Variants in BRF1 observed in about 807,000 individuals in gnomAD.
BRF1 encodes transcription factor IIIB 90 kDa subunit.
A neutral mutation model predicts 81.7 loss-of-function variants in BRF1; 59 were observed. The ratio of observed to expected loss-of-function variants is 0.72; its 90% confidence interval spans 0.59 to 0.90. BRF1 has a LOEUF of 0.90. Ranked by LOEUF, BRF1 falls within the 40% of genes least tolerant of loss-of-function variation. The probability of loss-of-function intolerance (pLI) is 0.00; values close to 1 mark genes in which losing one functional copy is unlikely to be tolerated. For missense variants in BRF1, 1,050 were observed against 936.3 expected (o/e 1.12, Z -1.58); for synonymous variants, 491 against 395.6 (o/e 1.24, Z -2.86).
chr14:105,252,344 T>C (rs2055662715), intron 5 of BRF1, 163 bp downstream of exon 5: 1 of 980,364 alleles, frequency 1.0e-6, no homozygotes, highest in African/African-American at 1.8e-5. Context: ...TCTTAGAAAA[T>C]AAGGCCCCAC....
At chr14:105,287,161 T>C (rs587673305) in intron 1 of BRF1, among the ~76,000 whole-genome samples, 3 of 152,288 alleles carry the variant, frequency 2.0e-5, no homozygotes, top group Admixed American at 6.5e-5. Context: ...GCCTACGACG[T>C]CCACCACATT....
chr14:105,286,357 A>G lies in BRF1; in HGVS notation c.204T>C (p.Thr68=). The G allele has an allele frequency of 6.2e-7, 1 of 1,613,486 alleles. No individual in the cohort carries two copies. Among genetic ancestry groups the G allele is most frequent in the Non-Finnish European group, 8.5e-7 (1 of 1,179,792 alleles). Residue 68 remains threonine, a synonymous_variant, in exon 2 of 18, where the codon ACT becomes ACC. Transcript: ENST00000547530. ...VSLDGAGKTP[T]LGGGFHVNLG... ...GATTCACGTGGAAGCCGCCACCCAG[A>G]GTCGGGGTTTTGCCAGCACCTGGAA... is the stretch of plus-strand genomic sequence containing the variant.
At chr14:105,217,307 G>A in intron 15 of BRF1, 1 of 629,934 alleles carries the variant, frequency 1.6e-6, no homozygotes, top group Non-Finnish European at 2.7e-6. Flanking sequence ...CTAGGCTGCA[G>A]GACCCCCCTG....
upstream of BRF1, chr14:105,301,217 A>C (rs1329139737): frequency 7.3e-5 from 11 of 150,984 alleles, no homozygotes; most frequent in Admixed American, 7.3e-4. Flanking sequence ...CGGGGACTAA[A>C]GCTGGACGCG....
At chr14:105,218,879 G>A in intron 14 of BRF1, 119 bp downstream of exon 14, 1 of 1,438,458 alleles carries the variant, frequency 7.0e-7, no homozygotes, top group Non-Finnish European at 9.6e-7. Flanking sequence ...ATGGCCTCCG[G>A]CTGCCTGCCC....
chr14:105,249,237 CCGCCCACAAG>C, intron 5 of BRF1: 1 of 1,581,852 alleles, frequency 6.3e-7, no homozygotes, highest in Non-Finnish European at 8.5e-7. Context: ...AGGACGGTGC[CCGCCCACAAG>C]GTGGGTAGCG....
Position 105,249,303 on chromosome 14 carries a change from T to C in BRF1, c.544+3204A>G. 5 of 1,584,804 alleles carry C rather than the reference T, an allele frequency of 3.2e-6. No individual in the cohort carries two copies. The South Asian group carries it at 5.6e-5, about 18-fold the overall frequency. ...TGCCCCGTCCGCCCCGTCCGCCGTGTGGCTGACACGCAGCCTGCGGGAGAG... is the reference window on the plus strand; with the variant it reads ...TGCCCCGTCCGCCCCGTCCGCCGTGCGGCTGACACGCAGCCTGCGGGAGAG... On this transcript the variant is annotated intron_variant, in intron 5 of 17. Coordinates refer to ENST00000547530, the MANE Select transcript of BRF1 (RefSeq NM_001519.4).
chr14:105,309,776 CTTTTTTTTT>C lies in BRF1; in HGVS notation c.-162+5537_-162+5545del, dbSNP rs928875653. ...TTAAGGAGAAGGTGGTGATGTGTGT[CTTTTTTTTT>C]TTTTTTTTTTTTTTTTTTTAGACGG... On this transcript the variant is annotated intron_variant, in intron 1 of 17. Transcript: ENST00000327359. The surrounding 1 kb of genome is among the most constrained non-coding windows in gnomAD (Gnocchi z 4.0). 7.8e-5 allele frequency among the ~76,000 whole-genome samples: 7 copies of C among 89,234 alleles called. No individual in the cohort carries two copies. Among genetic ancestry groups the C allele is most frequent in the South Asian group, 3.9e-4 (1 of 2,574 alleles). 58.5% of individuals were successfully genotyped at this position (89,234 alleles called of 152,430 possible). A position where few individuals can be genotyped will look rare whatever the true frequency, so the allele number is the denominator to read the frequency against.
At chr14:105,286,568 A>G (rs1416535414) in intron 1 of BRF1, among the ~76,000 whole-genome samples, 192 bp from the exon 2 acceptor site, 1 of 151,820 alleles carries the variant, frequency 6.6e-6, no homozygotes, top group Admixed American at 6.6e-5. Context: ...CACTCTGCCC[A>G]GCCAGCAGGG....
chr14:105,212,582 A>C (rs1595231825), intron 15 of BRF1: 1 of 180,976 alleles, frequency 5.5e-6, no homozygotes, highest in Admixed American at 5.7e-5. Context: ...TGCTGACAAC[A>C]CCCTGCACAG....
At position 105,210,853 on chromosome 14, in the gene BRF1, G is replaced by C. The variant is rs587638819; in HGVS notation, c.1997-265C>G. Among the ~76,000 whole-genome samples, 2 of 152,144 alleles carry C rather than the reference G, an allele frequency of 1.3e-5. No individual in the cohort carries two copies. The highest frequency in any genetic ancestry group is 4.8e-5 in the African/African-American group (2 of 41,420). ...CCTCCCTCCCTGGGTGTGCAGGTCC[G>C]TGGTGGTGTGCAGATCCGGGAACCT... On this transcript the variant is annotated intron_variant, in intron 17 of 17. Coordinates refer to ENST00000547530, the MANE Select transcript of BRF1 (RefSeq NM_001519.4). The surrounding 1 kb of genome is among the most constrained non-coding windows in gnomAD (Gnocchi z 4.7).
intron 2 of BRF1, among the ~76,000 whole-genome samples, chr14:105,282,836 G>A (rs985335852): frequency 3.3e-5 from 5 of 152,146 alleles, no homozygotes; most frequent in African/African-American, 7.2e-5. Context: ...GGGAGGCTGA[G>A]GCAGGAGAGT....
intron 3 of BRF1, among the ~76,000 whole-genome samples, chr14:105,259,610 C>A (rs138129716): frequency 4.7e-4 from 72 of 152,264 alleles, no homozygotes; most frequent in African/African-American, 1.5e-3. Context: ...ACACCATGGG[C>A]GCCTCTCAAA....
chr14:105,282,566 G>C (rs1040422420), intron 2 of BRF1, among the ~76,000 whole-genome samples: 2 of 152,244 alleles, frequency 1.3e-5, no homozygotes, highest in Admixed American at 6.5e-5. Context: ...GGAGAACAAA[G>C]GAGAATAAAC....
At chr14:105,275,766 A>G (rs1276171870) in intron 2 of BRF1, among the ~76,000 whole-genome samples, 3 of 152,264 alleles carry the variant, frequency 2.0e-5, no homozygotes. Flanking sequence ...TTGAAATCCT[A>G]TCCCCTACGG....
At chr14:105,304,467 G>A (rs985911535), upstream of BRF1, among the ~76,000 whole-genome samples, 4 of 152,058 alleles carry the variant, frequency 2.6e-5, no homozygotes, top group Admixed American at 6.6e-5. Flanking sequence ...CAGCCTGGAC[G>A]ACAAGAGTGA....
At chr14:105,222,091 G>C (rs1239564115) in intron 10 of BRF1, 177 bp from the exon 11 acceptor site, 1 of 699,820 alleles carries the variant, frequency 1.4e-6, no homozygotes, top group African/African-American at 1.9e-5. Context: ...GCACGCGGAA[G>C]TTAGCTCAAA....
intron 3 of BRF1, among the ~76,000 whole-genome samples, chr14:105,258,666 GCGGGCAC>G (rs2056007389): frequency 6.6e-6 from 1 of 152,026 alleles, no homozygotes; most frequent in Admixed American, 6.6e-5. Context: ...GGGGGTGGTG[GCGGGCAC>G]CTGTAATCCC....
chr14:105,220,025 C>T (rs1215744889), intron 12 of BRF1, 44 bp downstream of exon 12: 1 of 1,605,404 alleles, frequency 6.2e-7, no homozygotes, highest in Non-Finnish European at 8.5e-7. Context: ...GCTGCAGCGC[C>T]CTCCCAAGCC....
Sources: allele counts gnomAD v4.1 joint callset (sites outside exome capture counted in the v4.1 genomes callset), GRCh38; gene constraint gnomAD v4.1.1; non-coding constraint Gnocchi (gnomAD v3.1); transcripts MANE v1.5; gene names NCBI Gene and HGNC (gene_info 2026-07-23, HGNC 2026-07-21).